The following UGT1A8 variants were observed in gnomAD, a reference collection of about 807,000 sequenced individuals.
UGT1A8 encodes the protein UDP glucuronosyltransferase family 1 member A8.
In UGT1A8, 39 loss-of-function variants were observed where a neutral mutation model predicts 45.3. The ratio of observed to expected loss-of-function variants is 0.86; its 90% confidence interval spans 0.67 to 1.12. The LOEUF (loss-of-function observed/expected upper bound fraction) is 1.12. UGT1A8 is among the 50% of genes most tolerant of loss of function. The pLI is 0.00. For missense variants in UGT1A8, 719 were observed against 664.9 expected (o/e 1.08, Z -0.90); for synonymous variants, 275 against 249.2 (o/e 1.10, Z -0.97).
Position 233,720,957 on chromosome 2 carries a change from C to T in UGT1A8, c.856-46077C>T, listed in dbSNP as rs1032077883. 4.6e-5 allele frequency among the ~76,000 whole-genome samples: 7 copies of T among 151,348 alleles called. No homozygotes were observed. In the East Asian group the frequency reaches 5.8e-4, roughly 13 times the overall value. On this transcript the variant is annotated intron_variant, in intron 1 of 4. Transcript: ENST00000373450. ...AACTCCTGACCTCATGTGATCTGCC[C>T]GCCTCGGCCTCCCAAAGTGCTGGGA...
At chr2:233,689,112 ACCACAAC>A (rs1381460618) in intron 1 of UGT1A8, among the ~76,000 whole-genome samples, 1 of 152,200 alleles carries the variant, frequency 6.6e-6, no homozygotes, top group Non-Finnish European at 1.5e-5. Flanking sequence ...TGCTCCTGGA[ACCACAAC>A]CCACATTGTT....
chr2:233,735,091 A>T (rs4477910), intron 1 of UGT1A8, among the ~76,000 whole-genome samples: 69,276 of 151,834 alleles, frequency 0.46, 17,201 homozygotes, highest in African/African-American at 0.66. Context: ...GTCTTGTTGA[A>T]CTGTCTAATA....
intron 1 of UGT1A8, among the ~76,000 whole-genome samples, chr2:233,681,171 AC>A (rs1050610382): frequency 2.6e-5 from 4 of 151,664 alleles, no homozygotes; most frequent in Non-Finnish European, 5.9e-5. Context: ...CAACGCTAAG[AC>A]CCTTGCTCTC....
chr2:233,768,331 A>G lies in UGT1A8; in HGVS notation c.1187A>G (p.Asp396Gly), dbSNP rs779591634. The change falls in exon 4 of 5, where the codon GAC (aspartate) becomes GGC (glycine). Residue 396 changes from aspartate (D) to glycine (G), a missense_variant. Transcript: ENST00000373450. ...ATGCCCTTGTTTGGTGATCAGATGG[A>G]CAATGCAAAGCGCATGGAGACTAAG... ...VMMPLFGDQM[D>G]NAKRMETKGA... 1 of 1,614,198 alleles carries G rather than the reference A, an allele frequency of 6.2e-7. No homozygotes were observed. Among genetic ancestry groups the G allele is most frequent in the Admixed American group, 1.7e-5 (1 of 60,024 alleles).
chr2:233,690,405 C>A, intron 1 of UGT1A8: 2 of 1,185,150 alleles, frequency 1.7e-6, no homozygotes, highest in Non-Finnish European at 2.2e-6. Flanking sequence ...CTATTCCCAA[C>A]ATGAAATTAC....
chr2:233,644,882 T>C (rs2073557767), intron 1 of UGT1A8, among the ~76,000 whole-genome samples: 1 of 152,306 alleles, frequency 6.6e-6, no homozygotes, highest in East Asian at 1.9e-4. Context: ...CCTGTGTAGA[T>C]AGTTGCTAAC....
intron 1 of UGT1A8, among the ~76,000 whole-genome samples, chr2:233,647,550 T>G (rs2073636725): frequency 6.6e-6 from 1 of 152,230 alleles, no homozygotes; most frequent in East Asian, 1.9e-4. Flanking sequence ...AAGTCAAAAT[T>G]CAATTTGAAT....
chr2:233,618,662 T>A, intron 1 of UGT1A8, 100 bp downstream of exon 1: 1 of 1,514,124 alleles, frequency 6.6e-7, no homozygotes, highest in East Asian at 2.3e-5. Context: ...ATTTGTTGCA[T>A]TTCAAATTTC....
At chr2:233,681,895 G>C (rs2074544506) in intron 1 of UGT1A8, 1 of 1,588,540 alleles carries the variant, frequency 6.3e-7, no homozygotes, top group African/African-American at 1.3e-5. Context: ...TATATTATAG[G>C]AGCTTAGAAT....
intron 1 of UGT1A8, chr2:233,740,547 G>GA (rs1691417394): frequency 6.6e-6 from 1 of 151,824 alleles, no homozygotes; most frequent in Non-Finnish European, 1.5e-5. Flanking sequence ...ACTCCAGCCA[G>GA]AAAAAATGTC....
At chr2:233,692,017 T>C (rs1291303297) in intron 1 of UGT1A8, 2 of 152,224 alleles carry the variant, frequency 1.3e-5, no homozygotes, top group Non-Finnish European at 2.9e-5. Flanking sequence ...TCTCTAAGGA[T>C]GAGGGCTAGT....
intron 1 of UGT1A8, chr2:233,690,684 C>T (rs1252094224): frequency 1.9e-4 from 244 of 1,255,336 alleles, no homozygotes; most frequent in Non-Finnish European, 2.2e-4. Flanking sequence ...GGGTCTCCAG[C>T]GGAGCTACTC....
intron 1 of UGT1A8, chr2:233,682,738 C>A: frequency 6.2e-7 from 1 of 1,613,880 alleles, no homozygotes; most frequent in Non-Finnish European, 8.5e-7. Flanking sequence ...CCGTGATGCC[C>A]AATATGATCT....
intron 1 of UGT1A8, among the ~76,000 whole-genome samples, chr2:233,632,798 C>T (rs2073215990): frequency 6.6e-6 from 1 of 152,154 alleles, no homozygotes; most frequent in Admixed American, 6.5e-5. Context: ...TTGACTTTCT[C>T]TCTTCCTATT....
intron 1 of UGT1A8, among the ~76,000 whole-genome samples, chr2:233,701,860 T>C (rs2075656379): frequency 6.6e-6 from 1 of 151,980 alleles, no homozygotes; most frequent in Admixed American, 6.5e-5. Context: ...TAGAGGGAAA[T>C]TTATAGCACT....
chr2:233,754,057 T>C (rs1403033410), intron 1 of UGT1A8, among the ~76,000 whole-genome samples: 1 of 152,246 alleles, frequency 6.6e-6, no homozygotes, highest in Admixed American at 6.5e-5. Flanking sequence ...TTACCTGCTT[T>C]TATAAAGCCT....
At chr2:233,647,122 T>C (rs1400211922) in intron 1 of UGT1A8, among the ~76,000 whole-genome samples, 1 of 152,142 alleles carries the variant, frequency 6.6e-6, no homozygotes. Flanking sequence ...CCACCAGATC[T>C]CGTGAGACTT....
At chr2:233,720,033 T>G (rs13401281) in intron 1 of UGT1A8, among the ~76,000 whole-genome samples, 61,071 of 151,978 alleles carry the variant, frequency 0.4, 13,005 homozygotes, top group African/African-American at 0.54. Context: ...TTTGCTTGCC[T>G]GATTTTCAGC....
Position 233,620,160 on chromosome 2 carries a change from A to T in UGT1A8, c.855+1598A>T, listed in dbSNP as rs948970168. On this transcript the variant is annotated intron_variant, in intron 1 of 4. Coordinates refer to ENST00000373450, the MANE Select transcript of UGT1A8 (RefSeq NM_019076.5). ...TTGGTGAAAGAGTGACCGTTCAGCC[A>T]TCTCACAGGAAAGTGAAATAATGCT... Among the ~76,000 whole-genome samples, 8 of 152,218 alleles carry T rather than the reference A, an allele frequency of 5.3e-5. No individual in the cohort carries two copies. In the South Asian group the frequency reaches 1.2e-3, roughly 24 times the overall value.
Sources: gnomAD v4.1 joint callset for allele counts (sites outside exome capture counted in the v4.1 genomes callset) on GRCh38, gnomAD v4.1.1 for gene constraint, MANE v1.5 for transcripts, NCBI Gene and HGNC (gene_info 2026-07-23, HGNC 2026-07-21) for gene names.